SLC36A1: variants seen among roughly 807,000 people sequenced by gnomAD.
SLC36A1 encodes the protein proton-coupled amino acid transporter 1.
Under a neutral mutation model 47.5 loss-of-function variants are expected in SLC36A1, and 30 were observed. That is an observed-to-expected ratio of 0.63 (90% CI 0.47 to 0.86). The LOEUF is 0.86. SLC36A1 is among the 40% of genes least tolerant of loss of function. SLC36A1 has a pLI of 0.00. For synonymous variants in SLC36A1, 255 were observed against 249.7 expected (o/e 1.02, Z -0.20); for missense variants, 517 against 606.0 (o/e 0.85, Z 1.54).
the SLC36A1 span, among the ~76,000 whole-genome samples, chr5:151,370,853 C>T: frequency 1.3e-5 from 2 of 152,140 alleles, no homozygotes; most frequent in South Asian, 2.1e-4. Flanking sequence ...ATTAGCCGGG[C>T]GTGATGGCAG....
chr5:151,426,508 A>G, the SLC36A1 span, among the ~76,000 whole-genome samples: 1 of 151,920 alleles, frequency 6.6e-6, no homozygotes, highest in East Asian at 1.9e-4. Flanking sequence ...CTTTACACAA[A>G]CATCTCAGTG....
chr5:151,520,441 G>A, the SLC36A1 span, among the ~76,000 whole-genome samples: 1 of 152,160 alleles, frequency 6.6e-6, no homozygotes, highest in African/African-American at 2.4e-5. Flanking sequence ...ACTGCAGATG[G>A]GGCTAATGAC....
chr5:151,481,746 G>C (rs1286733054), intron 10 of SLC36A1, among the ~76,000 whole-genome samples: 1 of 152,078 alleles, frequency 6.6e-6, no homozygotes, highest in Non-Finnish European at 1.5e-5. Context: ...CAAACAGTTG[G>C]AGAAGAGGGG....
the SLC36A1 span, among the ~76,000 whole-genome samples, chr5:151,392,315 C>A: frequency 6.6e-6 from 1 of 152,062 alleles, no homozygotes; most frequent in African/African-American, 2.4e-5. Flanking sequence ...GTCTTGCTAG[C>A]AGTCTATCAA....
chr5:151,401,222 T>G, the SLC36A1 span, among the ~76,000 whole-genome samples: 1 of 152,336 alleles, frequency 6.6e-6, no homozygotes, highest in African/African-American at 2.4e-5. Flanking sequence ...GAGTCCAGTT[T>G]TATTCTTCTG....
the SLC36A1 span, among the ~76,000 whole-genome samples, chr5:151,371,732 T>C: frequency 6.6e-6 from 1 of 152,232 alleles, no homozygotes. Flanking sequence ...TTTTAGTTTT[T>C]AGTTTTTTAA....
chr5:151,540,343 C>T, the SLC36A1 span, among the ~76,000 whole-genome samples: 1 of 151,984 alleles, frequency 6.6e-6, no homozygotes, highest in Admixed American at 6.5e-5. Flanking sequence ...CCTCGGTCCT[C>T]CTTTCTCCTG....
chr5:151,507,431 G>C, the SLC36A1 span: 1 of 1,614,174 alleles, frequency 6.2e-7, no homozygotes. Flanking sequence ...GGTCCTCCAT[G>C]GCCACAGGCT....
chr5:151,510,988 A>G, the SLC36A1 span: 1 of 152,354 alleles, frequency 6.6e-6, no homozygotes, highest in East Asian at 1.9e-4. Flanking sequence ...TCCTAGCAGC[A>G]TGGCGGCCAC....
the SLC36A1 span, among the ~76,000 whole-genome samples, chr5:151,410,208 G>C: frequency 6.6e-6 from 1 of 151,780 alleles, no homozygotes; most frequent in Non-Finnish European, 1.5e-5. Flanking sequence ...ATTTGTTCAC[G>C]GCTGTATTAC....
At chr5:151,404,072 CT>C in the SLC36A1 span, among the ~76,000 whole-genome samples, 1 of 152,156 alleles carries the variant, frequency 6.6e-6, no homozygotes, top group Non-Finnish European at 1.5e-5. Flanking sequence ...TCTGGAAGTA[CT>C]TGTTATATGA....
the SLC36A1 span, chr5:151,542,389 C>T: frequency 1.2e-6 from 2 of 1,614,170 alleles, no homozygotes; most frequent in Non-Finnish European, 8.5e-7. Context: ...AACCACAGAT[C>T]CTCTGTACTC....
the SLC36A1 span, among the ~76,000 whole-genome samples, chr5:151,548,483 A>G: frequency 1.3e-5 from 2 of 152,088 alleles, no homozygotes; most frequent in African/African-American, 4.8e-5. Context: ...ATGTATTAAC[A>G]TACATTTTCT....
chr5:151,348,949 T>C, the SLC36A1 span, among the ~76,000 whole-genome samples: 1 of 152,212 alleles, frequency 6.6e-6, no homozygotes, highest in East Asian at 1.9e-4. Flanking sequence ...CAGCTTCTTG[T>C]CCTGAATCAA....
At chr5:151,442,118 A>G (rs1470043678) in intron 1 of SLC36A1, among the ~76,000 whole-genome samples, 1 of 152,080 alleles carries the variant, frequency 6.6e-6, no homozygotes, top group Non-Finnish European at 1.5e-5. Flanking sequence ...TATTAATAGT[A>G]TTTTTTGGTT....
At chr5:151,422,890 T>A in the SLC36A1 span, among the ~76,000 whole-genome samples, 1 of 152,226 alleles carries the variant, frequency 6.6e-6, no homozygotes, top group Admixed American at 6.5e-5. Flanking sequence ...TGCAGTGAGC[T>A]GAGATGGCAT....
chr5:151,507,537 C>T, the SLC36A1 span: 9 of 1,614,048 alleles, frequency 5.6e-6, no homozygotes, highest in Non-Finnish European at 7.6e-6. Flanking sequence ...CTCCTGCTGC[C>T]CCCAGTCCCC....
chr5:151,377,589 C>T, the SLC36A1 span, among the ~76,000 whole-genome samples: 65 of 151,868 alleles, frequency 4.3e-4, no homozygotes, highest in East Asian at 7.6e-3. Context: ...CCTCGTGATC[C>T]GCCCGTCTCG....
chr5:151,416,502 C>T, the SLC36A1 span, among the ~76,000 whole-genome samples: 1 of 152,146 alleles, frequency 6.6e-6, no homozygotes, highest in African/African-American at 2.4e-5. Flanking sequence ...AAAACTGGAC[C>T]TTTGCTAAAT....
Sources: gnomAD v4.1 joint callset for allele counts (sites outside exome capture counted in the v4.1 genomes callset) on GRCh38, gnomAD v4.1.1 for gene constraint, MANE v1.5 for transcripts, NCBI Gene and HGNC (gene_info 2026-07-23, HGNC 2026-07-21) for gene names.